The following CAMTA1 variants were observed in gnomAD, a reference collection of about 807,000 sequenced individuals.
CAMTA1 encodes the protein calmodulin-binding transcription activator 1.
In CAMTA1, 27 loss-of-function variants were observed where a neutral mutation model predicts 170.9. The ratio of observed to expected loss-of-function variants is 0.16; its 90% CI spans 0.12 to 0.22. The LOEUF (loss-of-function observed/expected upper bound fraction) is 0.22. CAMTA1 is among the 10% of genes least tolerant of loss of function. CAMTA1 has a pLI of 1.00. For missense variants in CAMTA1, 1,619 were observed against 2,217.2 expected, an observed-to-expected ratio of 0.73 and a Z score of 5.42; for synonymous variants, 833 against 891.5, an observed-to-expected ratio of 0.93 and a Z score of 1.17.
At chr1:6,871,840 G>T in intron 3 of CAMTA1, 1 of 1,470,386 alleles carries the variant, frequency 6.8e-7, no homozygotes, top group Non-Finnish European at 8.9e-7. Flanking sequence ...GCATTACCTT[G>T]GTAACCATTT....
At chr1:7,279,117 G>C (rs1671146755) in intron 5 of CAMTA1, among the ~76,000 whole-genome samples, 1 of 152,174 alleles carries the variant, frequency 6.6e-6, no homozygotes, top group South Asian at 2.1e-4. Context: ...GAGCCTGAGG[G>C]GGCTGGTGAG....
At chr1:7,536,118 C>T (rs1413998425) in intron 6 of CAMTA1, among the ~76,000 whole-genome samples, 1 of 151,914 alleles carries the variant, frequency 6.6e-6, no homozygotes, top group Non-Finnish European at 1.5e-5. Context: ...GCATCCCTGG[C>T]AGCCCCCAGA....
chr1:7,320,226 G>A (rs1385379321), intron 5 of CAMTA1, among the ~76,000 whole-genome samples: 2 of 152,108 alleles, frequency 1.3e-5, no homozygotes, highest in Non-Finnish European at 2.9e-5. Flanking sequence ...CTTTAATTAC[G>A]ATACTTGCTG....
intron 7 of CAMTA1, among the ~76,000 whole-genome samples, chr1:7,647,080 G>T (rs1000962060): frequency 6.6e-6 from 1 of 152,148 alleles, no homozygotes; most frequent in African/African-American, 2.4e-5. Flanking sequence ...TGCTCAGAGC[G>T]GCTGCTTAGC....
At chr1:6,829,384 C>T (rs1648746305) in intron 3 of CAMTA1, among the ~76,000 whole-genome samples, 1 of 152,228 alleles carries the variant, frequency 6.6e-6, no homozygotes, top group African/African-American at 2.4e-5. Flanking sequence ...AAATCCTTTC[C>T]CTTCTTGGAT....
intron 11 of CAMTA1, among the ~76,000 whole-genome samples, chr1:7,696,208 G>GT (rs1203589579): frequency 6.6e-6 from 1 of 151,958 alleles, no homozygotes; most frequent in Non-Finnish European, 1.5e-5. Context: ...GTTTTGTTTT[G>GT]TTTTTTGATA....
rs1306681177 is a variant in CAMTA1, at chr1:7,585,308, G to C, written c.511-55092G>C. ...GGGTTGCGGATAGAGTAGCCAAGAAGAGGCCTCTGCGGAGGGGCACCTGGC... is the reference window on the plus strand; with the variant it reads ...GGGTTGCGGATAGAGTAGCCAAGAACAGGCCTCTGCGGAGGGGCACCTGGC... On this transcript the variant is annotated intron_variant, in intron 6 of 22. Transcript: ENST00000303635. This position sits in a 1 kb window ranked among gnomAD's most constrained non-coding sequence, Gnocchi z 4.8. 1.3e-5 allele frequency among the ~76,000 whole-genome samples: 2 copies of C among 152,232 alleles called. No individual in the cohort carries two copies. The highest frequency in any genetic ancestry group is 4.8e-5 in the African/African-American group (2 of 41,456).
intron 5 of CAMTA1, among the ~76,000 whole-genome samples, chr1:7,330,173 G>A (rs1275236458): frequency 6.6e-6 from 1 of 152,196 alleles, no homozygotes; most frequent in East Asian, 1.9e-4. Context: ...ACTGTTACCA[G>A]GCTGAAATCC....
At position 7,738,162 on chromosome 1, in the gene CAMTA1, A is replaced by G; in HGVS notation, c.3862A>G (p.Ser1288Gly). Residue 1288 changes from serine (S) to glycine (G), a missense_variant, in exon 16 of 23, where the codon AGC becomes GGC. Transcript: ENST00000303635. This position sits in a 1 kb window ranked among gnomAD's most constrained non-coding sequence, Gnocchi z 4.9. ...SSKQSVPETLSPSEGVRDFSR... is the reference protein window; with the variant it reads ...SSKQSVPETLGPSEGVRDFSR... ...TAAGCAGTCTGTCCCCGAGACACTC[A>G]GCCCCAGTGAAGGAGTGAGGGACTT... is the stretch of plus-strand genomic sequence containing the variant. 2 of 1,614,070 alleles carry G rather than the reference A, an allele frequency of 1.2e-6. No individual in the cohort carries two copies. Among genetic ancestry groups the G allele is most frequent in the Non-Finnish European group, 8.5e-7 (1 of 1,179,966 alleles).
rs115880034 is a variant in CAMTA1, at chr1:7,276,685, C to T, written c.438+27059C>T. ...ATCATCAATGTGTCCACTTTCACTG[C>T]TTCTATTCAATATTCTACCGGAGGT... is the stretch of plus-strand genomic sequence containing the variant. On this transcript the variant is annotated intron_variant, in intron 5 of 22. Transcript: ENST00000303635. Among the ~76,000 whole-genome samples the T allele has an allele frequency of 3.1e-3, 479 of 152,150 alleles. 5 individuals are homozygous for T. The highest frequency in any genetic ancestry group is 0.01 in the African/African-American group (426 of 41,500).
chr1:6,971,782 G>A lies in CAMTA1; in HGVS notation c.235-119522G>A, dbSNP rs1290048444. Among the ~76,000 whole-genome samples the A allele has an allele frequency of 1.3e-5, 2 of 152,226 alleles. No homozygotes were observed. The highest frequency in any genetic ancestry group is 4.8e-5 in the African/African-American group (2 of 41,466). On this transcript the variant is annotated intron_variant, in intron 3 of 22. Transcript: ENST00000303635. This position sits in a 1 kb window ranked among gnomAD's most constrained non-coding sequence, Gnocchi z 4.6. Reference sequence around the variant, plus strand: ...GGAAAGAGAAGAAAAGGCCAGGCCTGCCTGTGGCCGCCCCCGGGTCTCAGC... The same window carrying A: ...GGAAAGAGAAGAAAAGGCCAGGCCTACCTGTGGCCGCCCCCGGGTCTCAGC...
chr1:7,638,111 T>C (rs1326265937), intron 6 of CAMTA1, among the ~76,000 whole-genome samples: 1 of 152,208 alleles, frequency 6.6e-6, no homozygotes, highest in African/African-American at 2.4e-5. Context: ...CATGTATGAC[T>C]CTTTCCCTGA....
At chr1:7,082,981 T>C (rs182762580) in intron 3 of CAMTA1, among the ~76,000 whole-genome samples, 1 of 152,340 alleles carries the variant, frequency 6.6e-6, no homozygotes, top group Admixed American at 6.5e-5. Context: ...CCTTTCATAG[T>C]GCCTGGCATA....
At chr1:6,902,888 G>C (rs1351154227) in intron 3 of CAMTA1, among the ~76,000 whole-genome samples, 1 of 152,120 alleles carries the variant, frequency 6.6e-6, no homozygotes, top group Non-Finnish European at 1.5e-5. Flanking sequence ...CAACCCCTTG[G>C]GAGACTTGAT....
intron 5 of CAMTA1, among the ~76,000 whole-genome samples, chr1:7,377,012 C>G (rs2086891170): frequency 6.6e-6 from 1 of 152,122 alleles, no homozygotes; most frequent in Non-Finnish European, 1.5e-5. Context: ...AGTGCTCTGC[C>G]CAGGCAAGAT....
At chr1:7,666,162 T>G (rs1290210276) in intron 9 of CAMTA1, among the ~76,000 whole-genome samples, 1 of 139,122 alleles carries the variant, frequency 7.2e-6, no homozygotes, top group Non-Finnish European at 1.6e-5. Context: ...AGAATGAAAC[T>G]GTCTTAAAAA....
intron 5 of CAMTA1, among the ~76,000 whole-genome samples, chr1:7,292,083 T>A (rs6577434): frequency 0.74 from 112,463 of 152,112 alleles, 41,978 homozygotes; most frequent in East Asian, 0.83. Flanking sequence ...CACCTACACT[T>A]TGAAAAATCC....
intron 3 of CAMTA1, among the ~76,000 whole-genome samples, chr1:6,900,624 A>T (rs1304330383): frequency 6.6e-6 from 1 of 152,220 alleles, no homozygotes; most frequent in Non-Finnish European, 1.5e-5. Context: ...GATCAATTGT[A>T]TTTCTATATA....
intron 6 of CAMTA1, among the ~76,000 whole-genome samples, chr1:7,493,769 C>T (rs1029397329): frequency 8.5e-5 from 13 of 152,252 alleles, no homozygotes; most frequent in East Asian, 3.9e-4. Context: ...CAGAAGTCAG[C>T]GAAATGCAGT....
Sources: gnomAD v4.1 joint callset for allele counts (sites outside exome capture counted in the v4.1 genomes callset) on GRCh38, gnomAD v4.1.1 for gene constraint, Gnocchi (gnomAD v3.1) non-coding constraint, MANE v1.5 for transcripts, NCBI Gene and HGNC (gene_info 2026-07-23, HGNC 2026-07-21) for gene names.